Variants in PCDH7 observed in about 807,000 individuals in gnomAD.
The protein encoded by PCDH7 is protocadherin-7.
A neutral mutation model predicts 58.9 loss-of-function variants in PCDH7; 17 were observed. The observed-to-expected ratio is 0.29, with a 90% CI of 0.20 to 0.43. The LOEUF is 0.43. Ranked by LOEUF, PCDH7 falls within the 20% of genes least tolerant of loss-of-function variation. The probability of loss-of-function intolerance (pLI) is 1.00; values close to 1 mark genes in which losing one functional copy is unlikely to be tolerated. For synonymous variants in PCDH7, 664 were observed against 616.4 expected (o/e 1.08, Z -1.14); for missense variants, 1,274 against 1,441.0 (o/e 0.88, Z 1.88).
intron 1 of PCDH7, 87 bp downstream of exon 1, chr4:30,724,683 C>A: frequency 6.8e-7 from 1 of 1,476,014 alleles, no homozygotes; most frequent in East Asian, 2.4e-5. Flanking sequence ...TTTGTCTTCT[C>A]GTTTTTAAAG....
At chr4:31,076,175 T>A (rs953346676) in intron 3 of PCDH7, among the ~76,000 whole-genome samples, 1 of 152,210 alleles carries the variant, frequency 6.6e-6, no homozygotes, top group Non-Finnish European at 1.5e-5. Context: ...GAATTATGTC[T>A]GTTCTGACAC....
rs141070102 is a variant in PCDH7 at position 30,970,213 on chromosome 4, G to A, written c.*7+19998G>A. On this transcript the variant is annotated intron_variant, in intron 3 of 3. Transcript: ENST00000509759. ...TTTATTGTAAGTTACACAACAAAGTGTGACAAAGTACAACAAAGTGTGACA... is the reference window on the plus strand; with the variant it reads ...TTTATTGTAAGTTACACAACAAAGTATGACAAAGTACAACAAAGTGTGACA... Among the ~76,000 whole-genome samples, 467 of 152,026 alleles carry A rather than the reference G, an allele frequency of 3.1e-3. 3 individuals carry two copies. Among genetic ancestry groups the A allele is most frequent in the African/African-American group, 0.01 (432 of 41,472 alleles).
intron 3 of PCDH7, among the ~76,000 whole-genome samples, chr4:31,061,144 C>T (rs1489468713): frequency 9.9e-5 from 15 of 151,826 alleles, no homozygotes; most frequent in African/African-American, 3.4e-4. Flanking sequence ...AATTCTAGAA[C>T]ATGTGTAGTT....
intron 1 of PCDH7, among the ~76,000 whole-genome samples, chr4:30,893,153 C>A (rs1738838340): frequency 6.6e-6 from 1 of 152,036 alleles, no homozygotes; most frequent in African/African-American, 2.4e-5. Flanking sequence ...GTGTCACATA[C>A]TATATTATCT....
At chr4:30,997,391 T>C (rs1448159872) in intron 3 of PCDH7, among the ~76,000 whole-genome samples, 1 of 152,180 alleles carries the variant, frequency 6.6e-6, no homozygotes. Context: ...TTTAAAATGC[T>C]TTTAGGATTG....
chr4:31,025,549 T>C (rs538140512), intron 3 of PCDH7, among the ~76,000 whole-genome samples: 2 of 152,222 alleles, frequency 1.3e-5, no homozygotes, highest in Non-Finnish European at 2.9e-5. Flanking sequence ...TTGAAGTAGA[T>C]GATTTATTTT....
intron 3 of PCDH7, among the ~76,000 whole-genome samples, chr4:31,026,359 G>C (rs537431400): frequency 3.9e-5 from 6 of 152,108 alleles, no homozygotes; most frequent in African/African-American, 9.7e-5. Context: ...AAGGATTCCC[G>C]AGGCTATGAT....
intron 3 of PCDH7, among the ~76,000 whole-genome samples, chr4:31,039,973 C>A (rs914748260): frequency 5.3e-5 from 8 of 152,258 alleles, no homozygotes; most frequent in Admixed American, 5.2e-4. Flanking sequence ...TGCGTAGATA[C>A]AAACAGGGGG....
chr4:30,737,005 A>G (rs1027221479), downstream of PCDH7, among the ~76,000 whole-genome samples: 1 of 152,138 alleles, frequency 6.6e-6, no homozygotes, highest in Non-Finnish European at 1.5e-5. Context: ...AGCTTTTGAA[A>G]TTCTTACCAC....
intron 1 of PCDH7, among the ~76,000 whole-genome samples, chr4:30,796,298 TC>T (rs35598727): frequency 6.6e-6 from 1 of 152,192 alleles, no homozygotes; most frequent in African/African-American, 2.4e-5. Context: ...CTAACGGACT[TC>T]CCCAGTAGTC....
At chr4:31,066,253 G>C (rs1230874463) in intron 3 of PCDH7, among the ~76,000 whole-genome samples, 1 of 151,860 alleles carries the variant, frequency 6.6e-6, no homozygotes, top group Admixed American at 6.6e-5. Context: ...AGGAAAGGAG[G>C]CTCTGTTTCT....
intron 1 of PCDH7, among the ~76,000 whole-genome samples, chr4:30,743,969 T>G (rs899570847): frequency 6.6e-6 from 1 of 152,174 alleles, no homozygotes; most frequent in African/African-American, 2.4e-5. Flanking sequence ...ATTCTGTACT[T>G]GGCAATCTTC....
exon 2 of PCDH7, chr4:30,731,437 T>C (rs1255627505): frequency 6.6e-6 from 1 of 152,190 alleles, no homozygotes; most frequent in Non-Finnish European, 1.5e-5. Flanking sequence ...GAGAAATTAA[T>C]TTTTTATATT....
At chr4:30,756,731 A>G (rs1036626601) in intron 1 of PCDH7, among the ~76,000 whole-genome samples, 3 of 152,142 alleles carry the variant, frequency 2.0e-5, no homozygotes, top group African/African-American at 7.2e-5. Context: ...CTCTCTCCCC[A>G]TTAGTTCTTG....
At chr4:31,123,349 G>A (rs1189083032) in intron 3 of PCDH7, among the ~76,000 whole-genome samples, 3 of 152,150 alleles carry the variant, frequency 2.0e-5, no homozygotes, top group Admixed American at 6.5e-5. Flanking sequence ...GAAAGAATAC[G>A]TAGAATAGTA....
At chr4:30,859,691 C>T (rs1233853927) in intron 1 of PCDH7, among the ~76,000 whole-genome samples, 1 of 151,978 alleles carries the variant, frequency 6.6e-6, no homozygotes, top group Non-Finnish European at 1.5e-5. Flanking sequence ...CCACCAGCCT[C>T]GACCCCGCAA....
intron 3 of PCDH7, among the ~76,000 whole-genome samples, chr4:31,073,282 G>T (rs1305578580): frequency 6.6e-6 from 1 of 152,100 alleles, no homozygotes; most frequent in East Asian, 1.9e-4. Flanking sequence ...TAGAACCATT[G>T]ATTTATAGCA....
intron 3 of PCDH7, among the ~76,000 whole-genome samples, chr4:31,114,423 G>A (rs1051055077): frequency 6.6e-6 from 1 of 151,968 alleles, no homozygotes; most frequent in Non-Finnish European, 1.5e-5. Flanking sequence ...TGGTTATCAG[G>A]TATACTGTTT....
intron 1 of PCDH7, among the ~76,000 whole-genome samples, chr4:30,889,554 G>A (rs1268484234): frequency 6.6e-6 from 1 of 152,074 alleles, no homozygotes; most frequent in Non-Finnish European, 1.5e-5. Flanking sequence ...GTCTTCAACT[G>A]TTTGAGCTAC....
Sources: gnomAD v4.1 joint callset for allele counts (sites outside exome capture counted in the v4.1 genomes callset) on GRCh38, gnomAD v4.1.1 for gene constraint, MANE v1.5 for transcripts, NCBI Gene and HGNC (gene_info 2026-07-23, HGNC 2026-07-21) for gene names.